Variants in MYO6 observed in about 807,000 individuals in gnomAD.
The protein encoded by MYO6 is unconventional myosin-VI.
A neutral mutation model predicts 178.7 loss-of-function variants in MYO6; 74 were observed. The observed-to-expected ratio is 0.41, with a 90% CI of 0.34 to 0.50. The LOEUF is 0.50. Among genes scored for constraint, MYO6 ranks in the 20% least tolerant of loss-of-function variants. MYO6 has a pLI of 0.09. For missense variants in MYO6, 1,330 were observed against 1,547.4 expected, an observed-to-expected ratio of 0.86 and a Z score of 2.36; for synonymous variants, 477 against 504.6, an observed-to-expected ratio of 0.95 and a Z score of 0.73.
intron 1 of MYO6, among the ~76,000 whole-genome samples, chr6:75,805,986 T>A (rs1210296734): frequency 6.6e-6 from 1 of 152,202 alleles, no homozygotes. Context: ...ATGGATTTTC[T>A]GAAAGATTTT....
chr6:75,781,654 G>C (rs1285078451), intron 1 of MYO6, among the ~76,000 whole-genome samples: 3 of 152,104 alleles, frequency 2.0e-5, no homozygotes, highest in African/African-American at 7.2e-5. Flanking sequence ...TCCGTGGGTG[G>C]CTCATGCCTG....
intron 29 of MYO6, among the ~76,000 whole-genome samples, chr6:75,895,691 T>C (rs1057474772): frequency 2.6e-5 from 4 of 152,028 alleles, no homozygotes; most frequent in African/African-American, 9.7e-5. Flanking sequence ...CTAATTTTTG[T>C]ATTTTTAGTA....
At chr6:75,835,639 C>T (rs1445883349) in intron 6 of MYO6, among the ~76,000 whole-genome samples, 4 of 152,078 alleles carry the variant, frequency 2.6e-5, no homozygotes, top group East Asian at 1.9e-4. Flanking sequence ...ACCATGTTGG[C>T]CAGGCTGGTC....
chr6:75,844,650 A>G (rs935774659), intron 9 of MYO6, among the ~76,000 whole-genome samples: 1 of 152,108 alleles, frequency 6.6e-6, no homozygotes, highest in Non-Finnish European at 1.5e-5. Context: ...CTTTTATGTC[A>G]TTGATTTTTA....
At chr6:75,840,327 A>C (rs934218709) in intron 7 of MYO6, among the ~76,000 whole-genome samples, 2 of 151,594 alleles carry the variant, frequency 1.3e-5, no homozygotes, top group Non-Finnish European at 2.9e-5. Context: ...ACGCCTGGCT[A>C]ATTTTTGTAT....
At chr6:75,852,992 A>G (rs1344427005) in intron 11 of MYO6, among the ~76,000 whole-genome samples, 1 of 152,184 alleles carries the variant, frequency 6.6e-6, no homozygotes, top group Middle Eastern at 3.2e-3. Flanking sequence ...CAGTTTCTCC[A>G]TATCCTCACC....
At chr6:75,777,681 C>T (rs1766528936) in intron 1 of MYO6, among the ~76,000 whole-genome samples, 1 of 152,026 alleles carries the variant, frequency 6.6e-6, no homozygotes, top group Non-Finnish European at 1.5e-5. Flanking sequence ...AATCTGTCTG[C>T]CCCCTGTGGC....
intron 15 of MYO6, among the ~76,000 whole-genome samples, chr6:75,861,776 T>C (rs1268663173): frequency 6.6e-6 from 1 of 152,170 alleles, no homozygotes. Context: ...TTTACATCAG[T>C]ATAAATTTTC....
chr6:75,817,321 A>G (rs1420596023), intron 1 of MYO6, among the ~76,000 whole-genome samples, 180 bp from the exon 2 acceptor site: 4 of 151,800 alleles, frequency 2.6e-5, no homozygotes, highest in Non-Finnish European at 5.9e-5. Context: ...AAAAAAAAAA[A>G]AGTAGATAAA....
Position 75,886,851 on chromosome 6 carries a change from G to A in MYO6, c.2515G>A (p.Gly839Ser), listed in dbSNP as rs1352587099. Residue 839 changes from glycine to serine, a missense_variant, in exon 25 of 35, where the codon GGT becomes AGT. Gly to Ser is a moderately conservative substitution (Grantham distance 56). Coordinates refer to ENST00000369977, the MANE Select transcript of MYO6 (RefSeq NM_004999.4). ...GAAGTATTATTTTTACAGCATTGAT[G>A]GTCTGGTTAAGGTGGGCACACTGAA... The part of the protein sequence containing the change: ...CKRRHKPRID[G>S]LVKVGTLKKR... 9 of 1,613,522 alleles carry A rather than the reference G, an allele frequency of 5.6e-6. No homozygotes were observed. The highest frequency in any genetic ancestry group is 7.6e-6 in the Non-Finnish European group (9 of 1,179,794).
chr6:75,859,046 T>C lies in MYO6; in HGVS notation c.1473+53T>C, dbSNP rs957269342. The C allele has an allele frequency of 2.2e-5, 27 of 1,210,762 alleles. No individual in the cohort carries two copies. The East Asian group carries it at 6.6e-4, about 30-fold the overall frequency. 75.0% of individuals were successfully genotyped at this position (1,210,762 alleles called of 1,614,324 possible). On this transcript the variant is annotated intron_variant, in intron 14 of 34. Coordinates refer to ENST00000369977, the MANE Select transcript of MYO6 (RefSeq NM_004999.4). ...GATCTGCATAAAGCTATTTTAAATT[T>C]TAAGGAAGAGATATGCTGCAGTTAC...
At chr6:75,773,325 T>G (rs1323295157) in intron 1 of MYO6, among the ~76,000 whole-genome samples, 1 of 152,174 alleles carries the variant, frequency 6.6e-6, no homozygotes, top group Non-Finnish European at 1.5e-5. Flanking sequence ...GTGGAGAAAC[T>G]AAGGTTCGGA....
chr6:75,765,163 A>G (rs112176338), intron 1 of MYO6, among the ~76,000 whole-genome samples: 2,523 of 148,204 alleles, frequency 0.017, 78 homozygotes, highest in African/African-American at 0.06. Context: ...ATGACTAAAA[A>G]AAAAAGCTTT....
intron 11 of MYO6, among the ~76,000 whole-genome samples, chr6:75,854,275 CTTTTTTTTTTTTTTTTTTT>C (rs61398235): frequency 2.2e-5 from 1 of 45,470 alleles, no homozygotes; most frequent in Non-Finnish European, 3.6e-5. Context: ...AACTGCATTG[CTTTTTTTTTTTTTTTTTTT>C]TTTTTTTTTT....
chr6:75,902,196 T>G (rs1779844012), intron 30 of MYO6, among the ~76,000 whole-genome samples: 1 of 152,220 alleles, frequency 6.6e-6, no homozygotes, highest in Non-Finnish European at 1.5e-5. Context: ...CTTTTTTGGT[T>G]GTGTCTCTGC....
Position 75,914,221 on chromosome 6 carries a change from C to G in MYO6, c.3598C>G (p.Pro1200Ala). Residue 1200 changes from proline to alanine, a missense_variant, in exon 34 of 35, where the codon CCA becomes GCA. By Grantham distance (27) the Pro-to-Ala change is conservative (BLOSUM62 -1). Coordinates refer to ENST00000369977, the MANE Select transcript of MYO6 (RefSeq NM_004999.4). The part of the protein sequence containing the change: ...KGWWYAHFDG[P>A]WIARQMELHP... ...CTGGTGGTATGCCCATTTTGATGGA[C>G]CATGGATTGCCCGGCAAATGGAACT... 6.2e-7 allele frequency: 1 copy of G among 1,614,164 alleles called. No homozygotes were observed. The highest frequency in any genetic ancestry group is 8.5e-7 in the Non-Finnish European group (1 of 1,180,028).
intron 1 of MYO6, among the ~76,000 whole-genome samples, chr6:75,759,184 G>A (rs1468374825): frequency 6.6e-6 from 1 of 151,958 alleles, no homozygotes; most frequent in Admixed American, 6.6e-5. Flanking sequence ...CTATAGATCC[G>A]GTCATTTCTA....
At chr6:75,758,561 C>T (rs913381345) in intron 1 of MYO6, among the ~76,000 whole-genome samples, 7 of 150,376 alleles carry the variant, frequency 4.7e-5, no homozygotes, top group African/African-American at 4.9e-5. Context: ...CCTGGGTTCA[C>T]GCCATTCTCC....
intron 32 of MYO6, among the ~76,000 whole-genome samples, chr6:75,909,525 A>T (rs1780600177): frequency 6.6e-6 from 1 of 152,190 alleles, no homozygotes; most frequent in Non-Finnish European, 1.5e-5. Flanking sequence ...TTACTTTGTT[A>T]TGCAAAAGGC....
Sources: gnomAD v4.1 joint callset for allele counts (sites outside exome capture counted in the v4.1 genomes callset) on GRCh38, gnomAD v4.1.1 for gene constraint, MANE v1.5 for transcripts, NCBI Gene and HGNC (gene_info 2026-07-23, HGNC 2026-07-21) for gene names.